PLEKHA5: variants seen among roughly 807,000 people sequenced by gnomAD.
PLEKHA5 encodes the protein pleckstrin homology domain-containing family A member 5.
In PLEKHA5, 55 loss-of-function variants were observed where a neutral mutation model predicts 181.9. The observed-to-expected ratio is 0.30, with a 90% CI of 0.24 to 0.38. PLEKHA5 has a LOEUF of 0.38. Ranked by LOEUF, PLEKHA5 falls within the 10% of genes least tolerant of loss-of-function variation. PLEKHA5 has a pLI of 1.00. For synonymous variants in PLEKHA5, 535 were observed against 529.4 expected (o/e 1.01, Z -0.15); for missense variants, 1,432 against 1,549.5 (o/e 0.92, Z 1.27).
intron 28 of PLEKHA5, among the ~76,000 whole-genome samples, chr12:19,360,281 CCA>C (rs1239997854): frequency 2.0e-5 from 3 of 147,260 alleles, no homozygotes; most frequent in African/African-American, 7.5e-5. Flanking sequence ...TAGAGATGGG[CCA>C]CAGAGTGAGA....
chr12:19,354,280 T>G (rs1354964549), intron 26 of PLEKHA5, among the ~76,000 whole-genome samples: 1 of 141,834 alleles, frequency 7.1e-6, no homozygotes, highest in Non-Finnish European at 1.5e-5. Flanking sequence ...GCCTCCGGAG[T>G]AGCTGGGACT....
In PLEKHA5 at chr12:19,302,905, A is replaced by AT. The variant is rs2081959494; in HGVS notation, c.2037+11208_2037+11209insT. Among the ~76,000 whole-genome samples the AT allele has an allele frequency of 1.2e-3, 125 of 106,606 alleles. 2 individuals carry two copies. The highest frequency in any genetic ancestry group is 4.4e-3 in the African/African-American group (117 of 26,354). 69.9% of individuals were successfully genotyped at this position (106,606 alleles called of 152,430 possible). A position where few individuals can be genotyped will look rare whatever the true frequency, so the allele number is the denominator to read the frequency against. On this transcript the variant is annotated intron_variant, in intron 15 of 31. Coordinates refer to ENST00000429027, the MANE Select transcript of PLEKHA5 (RefSeq NM_001256470.2). ...TGTTGGACAGCACTGTTCTGTATGA[A>AT]ATTTTTTTTTTTTTTTTTTTTTTTT...
At chr12:19,198,758 A>AG (rs2053538840) in intron 3 of PLEKHA5, among the ~76,000 whole-genome samples, 1 of 151,674 alleles carries the variant, frequency 6.6e-6, no homozygotes, top group East Asian at 1.9e-4. Context: ...AGAGTGGGAA[A>AG]AAAAGTGACT....
At chr12:19,213,382 TA>T (rs1205708269) in intron 3 of PLEKHA5, among the ~76,000 whole-genome samples, 5 of 151,930 alleles carry the variant, frequency 3.3e-5, no homozygotes, top group Admixed American at 2.0e-4. Context: ...ACCAAAAGAT[TA>T]TAGATGTCTT....
intron 3 of PLEKHA5, among the ~76,000 whole-genome samples, chr12:19,159,932 T>C (rs1409509650): frequency 6.6e-6 from 1 of 152,108 alleles, no homozygotes; most frequent in Non-Finnish European, 1.5e-5. Context: ...CTGTTTATTA[T>C]AGTAAGTTGA....
intron 3 of PLEKHA5, among the ~76,000 whole-genome samples, chr12:19,143,490 C>T (rs1173545693): frequency 6.6e-6 from 1 of 151,974 alleles, no homozygotes; most frequent in South Asian, 2.1e-4. Flanking sequence ...AAATAAAAAT[C>T]ATTCACAGTC....
At chr12:19,200,740 A>G (rs1315205290) in intron 3 of PLEKHA5, 15 of 879,184 alleles carry the variant, frequency 1.7e-5, no homozygotes, top group Non-Finnish European at 2.1e-5. Context: ...GTACCCAAGG[A>G]ATTCACTGGG....
Position 19,320,047 on chromosome 12 carries a change from T to G in PLEKHA5, c.2145T>G (p.Ser715Arg). The change falls in exon 17 of 32, where the codon AGT becomes AGG. Residue 715 changes from serine (S) to arginine (R), a missense_variant. By Grantham distance (110) the Ser-to-Arg change is moderately radical. This residue lies in a region of PLEKHA5 where 1,143 missense variants were observed against 1,168.4 expected (regional missense o/e 0.98). Transcript: ENST00000429027. ...QQFLRQKSKI[S>R]LYCLSQDEGR... ...TCTTAAGACAGAAGAGCAAGATAAG[T>G]CTATATTGTGTATGTGTGTTTATAT... 8.2e-7 allele frequency: 1 copy of G among 1,213,228 alleles called. No homozygotes were observed. Among genetic ancestry groups the G allele is most frequent in the Non-Finnish European group, 1.2e-6 (1 of 867,958 alleles). 75.2% of individuals were successfully genotyped at this position (1,213,228 alleles called of 1,614,324 possible). A position where few individuals can be genotyped will look rare whatever the true frequency, so the allele number is the denominator to read the frequency against.
chr12:19,243,868 T>G (rs903845551), intron 3 of PLEKHA5, among the ~76,000 whole-genome samples: 1 of 152,350 alleles, frequency 6.6e-6, no homozygotes, highest in Middle Eastern at 3.4e-3. Context: ...CAAAGCACTT[T>G]TAATGTTTTT....
chr12:19,308,449 A>G (rs2084965306), intron 15 of PLEKHA5, among the ~76,000 whole-genome samples: 1 of 152,176 alleles, frequency 6.6e-6, no homozygotes, highest in Admixed American at 6.5e-5. Context: ...TGTCATGGTG[A>G]AATCTGATGG....
chr12:19,345,149 G>A (rs1022610061), intron 22 of PLEKHA5, among the ~76,000 whole-genome samples: 3 of 149,334 alleles, frequency 2.0e-5, no homozygotes, highest in East Asian at 2.0e-4. Context: ...CCTGTAATCC[G>A]AGCACTTTGG....
intron 3 of PLEKHA5, among the ~76,000 whole-genome samples, chr12:19,168,595 T>C (rs1034273685): frequency 3.3e-5 from 5 of 152,098 alleles, no homozygotes; most frequent in Non-Finnish European, 7.4e-5. Flanking sequence ...TCACTTAAAA[T>C]TCTGCACCTT....
At chr12:19,204,863 A>G (rs1043527865) in intron 3 of PLEKHA5, among the ~76,000 whole-genome samples, 7 of 152,164 alleles carry the variant, frequency 4.6e-5, no homozygotes, top group African/African-American at 1.7e-4. Flanking sequence ...GTGAACAGGC[A>G]AGAGAACAGA....
intron 3 of PLEKHA5, chr12:19,149,460 C>T (rs1199530747): frequency 2.8e-5 from 4 of 142,496 alleles, no homozygotes; most frequent in Non-Finnish European, 6.0e-5. Context: ...GCCGAGAGAG[C>T]GCCTCTGTAC....
At chr12:19,163,299 C>G (rs1424200188) in intron 3 of PLEKHA5, among the ~76,000 whole-genome samples, 6 of 152,060 alleles carry the variant, frequency 3.9e-5, no homozygotes, top group Non-Finnish European at 8.8e-5. Flanking sequence ...GCCTCAGCCT[C>G]CCTAGTAGCT....
chr12:19,280,027 A>G (rs1462681220), intron 11 of PLEKHA5, among the ~76,000 whole-genome samples: 2 of 148,382 alleles, frequency 1.3e-5, no homozygotes, highest in Non-Finnish European at 3.0e-5. Flanking sequence ...ATTCATCACA[A>G]TGAAACCTGT....
At chr12:19,308,815 A>AT (rs1370623652) in intron 15 of PLEKHA5, among the ~76,000 whole-genome samples, 2 of 151,968 alleles carry the variant, frequency 1.3e-5, no homozygotes, top group African/African-American at 2.4e-5. Context: ...GGGAGGCCGA[A>AT]GGGGGGCAGA....
chr12:19,132,341 T>A lies in PLEKHA5; in HGVS notation c.170-52T>A, dbSNP rs971290718. On this transcript the variant is annotated intron_variant, in intron 2 of 31. Coordinates refer to ENST00000429027, the MANE Select transcript of PLEKHA5 (RefSeq NM_001256470.2). ...ATGGATAATTAAAATGGATTGAGAC[T>A]TATTTTGCTATCATTGAAGTAATAC... The A allele has an allele frequency of 4.6e-6, 4 of 872,886 alleles. No homozygotes were observed. The Admixed American group carries it at 8.4e-5, about 18-fold the overall frequency. The allele number at this position is 872,886 out of a possible 1,614,324, so 54.1% of individuals were successfully genotyped here.
At chr12:19,195,470 C>G (rs1434559998) in intron 3 of PLEKHA5, among the ~76,000 whole-genome samples, 2 of 151,838 alleles carry the variant, frequency 1.3e-5, no homozygotes, top group African/African-American at 4.8e-5. Flanking sequence ...GAGTTCGAGA[C>G]CAGCCTGGGC....
Sources: gnomAD v4.1 joint callset for allele counts (sites outside exome capture counted in the v4.1 genomes callset) on GRCh38, gnomAD v4.1.1 for gene constraint, gnomAD v4.1.1 regional missense constraint, MANE v1.5 for transcripts, NCBI Gene and HGNC (gene_info 2026-07-23, HGNC 2026-07-21) for gene names.